Variants in POLN observed in about 807,000 individuals in gnomAD.
The protein encoded by POLN is DNA polymerase N.
Under a neutral mutation model 113.5 loss-of-function variants are expected in POLN, and 108 were observed. The ratio of observed to expected loss-of-function variants is 0.95; its 90% CI spans 0.81 to 1.12. The LOEUF (loss-of-function observed/expected upper bound fraction) is 1.12. POLN is among the 50% of genes most tolerant of loss of function. The pLI is 0.00. For missense variants in POLN, 1,097 were observed against 1,077.1 expected (o/e 1.02, Z -0.26); for synonymous variants, 386 against 391.5 (o/e 0.99, Z 0.17).
intron 19 of POLN, among the ~76,000 whole-genome samples, chr4:2,119,210 A>G (rs1731384652): frequency 6.6e-6 from 1 of 152,260 alleles, no homozygotes; most frequent in Admixed American, 6.5e-5. Context: ...TTCTGCAGTT[A>G]AAAGTTCTTC....
At chr4:2,113,127 A>G (rs909037320) in intron 19 of POLN, among the ~76,000 whole-genome samples, 1 of 151,298 alleles carries the variant, frequency 6.6e-6, no homozygotes, top group African/African-American at 2.4e-5. Flanking sequence ...TCAGCAAACT[A>G]TCGCAAGGAC....
At chr4:2,175,602 C>T (rs6841323) in intron 9 of POLN, among the ~76,000 whole-genome samples, 37,310 of 151,874 alleles carry the variant, frequency 0.25, 7,037 homozygotes, top group African/African-American at 0.51. Context: ...CTTCATGAGT[C>T]TCATTGTTTT....
intron 17 of POLN, among the ~76,000 whole-genome samples, chr4:2,129,483 G>A (rs1381211807): frequency 8.6e-5 from 13 of 151,864 alleles, no homozygotes. Flanking sequence ...CGCACTCCAG[G>A]GCTTAAGCAA....
chr4:2,240,031 T>A (rs761194299), intron 2 of POLN: 3 of 1,605,616 alleles, frequency 1.9e-6, no homozygotes, highest in Non-Finnish European at 1.7e-6. Context: ...TCATTTCTTA[T>A]GCTTACCTTG....
intron 5 of POLN, among the ~76,000 whole-genome samples, chr4:2,202,723 C>CAAAAAAAAAAAA (rs34712930): frequency 2.7e-5 from 1 of 36,848 alleles, no homozygotes; most frequent in Non-Finnish European, 5.4e-5. Context: ...GACTCTGTCT[C>CAAAAAAAAAAAA]AAAAAAAAAA....
At chr4:2,074,793 C>A (rs1321100825) in intron 24 of POLN, among the ~76,000 whole-genome samples, 1 of 152,154 alleles carries the variant, frequency 6.6e-6, no homozygotes, top group Non-Finnish European at 1.5e-5. Flanking sequence ...GGCACAGGTC[C>A]ACGTGGGCAC....
intron 7 of POLN, among the ~76,000 whole-genome samples, chr4:2,187,807 A>T (rs1733316980): frequency 6.6e-6 from 1 of 152,150 alleles, no homozygotes; most frequent in African/African-American, 2.4e-5. Flanking sequence ...AACCTATTCA[A>T]AGTGCTGAAA....
At chr4:2,076,037 C>T (rs1049825594) in intron 23 of POLN, among the ~76,000 whole-genome samples, 2 of 152,174 alleles carry the variant, frequency 1.3e-5, no homozygotes, top group Non-Finnish European at 2.9e-5. Context: ...GGTGAGCATC[C>T]AGCCAGCCCC....
At chr4:2,161,376 C>T (rs1732584484) in intron 13 of POLN, among the ~76,000 whole-genome samples, 1 of 152,232 alleles carries the variant, frequency 6.6e-6, no homozygotes, top group Non-Finnish European at 1.5e-5. Flanking sequence ...AGCCAGCCGG[C>T]CCTGCTAGCC....
intron 20 of POLN, chr4:2,090,497 T>C: frequency 3.8e-6 from 2 of 523,044 alleles, no homozygotes; most frequent in Non-Finnish European, 7.1e-6. Context: ...TGTGAATAAA[T>C]AAACTGAGCA....
At chr4:2,136,962 C>T (rs1479069364) in intron 16 of POLN, among the ~76,000 whole-genome samples, 3 of 152,218 alleles carry the variant, frequency 2.0e-5, no homozygotes, top group Non-Finnish European at 4.4e-5. Context: ...GTGGCAGTCG[C>T]CCCACACGTG....
chr4:2,144,115 A>G (rs921905750), intron 16 of POLN, among the ~76,000 whole-genome samples: 5 of 151,608 alleles, frequency 3.3e-5, no homozygotes, highest in Non-Finnish European at 5.9e-5. Flanking sequence ...TCTTCTATAA[A>G]ATACATATTC....
chr4:2,100,634 T>G (rs1730900165), intron 19 of POLN, among the ~76,000 whole-genome samples: 1 of 152,110 alleles, frequency 6.6e-6, no homozygotes, highest in African/African-American at 2.4e-5. Context: ...AAATTTCATC[T>G]GAAAAACAAA....
intron 20 of POLN, chr4:2,089,522 C>A: frequency 1.6e-6 from 2 of 1,286,706 alleles, no homozygotes; most frequent in South Asian, 2.7e-5. Context: ...TGCAAATTAT[C>A]ATTTTTAAAA....
At chr4:2,111,957 G>A (rs951799986) in intron 19 of POLN, among the ~76,000 whole-genome samples, 4 of 152,182 alleles carry the variant, frequency 2.6e-5, no homozygotes, top group African/African-American at 9.7e-5. Flanking sequence ...AACAAAGCTG[G>A]AGGCATCACG....
At chr4:2,204,064 G>C (rs1391664053) in intron 5 of POLN, among the ~76,000 whole-genome samples, 1 of 131,006 alleles carries the variant, frequency 7.6e-6, no homozygotes, top group Admixed American at 9.2e-5. Context: ...AGCTGAGATC[G>C]CGCCATTACA....
intron 16 of POLN, among the ~76,000 whole-genome samples, chr4:2,147,632 G>GTTTTTTT (rs1047968546): frequency 1.8e-5 from 1 of 56,380 alleles, no homozygotes. Flanking sequence ...CAGACATCCA[G>GTTTTTTT]TTTTTCTTTT....
intron 19 of POLN, among the ~76,000 whole-genome samples, chr4:2,120,153 C>CTA (rs1259766415): frequency 6.6e-6 from 1 of 152,114 alleles, no homozygotes; most frequent in Non-Finnish European, 1.5e-5. Flanking sequence ...CTCTTGATTA[C>CTA]TATATATATA....
chr4:2,077,976 G>A (rs1329822160), intron 23 of POLN, among the ~76,000 whole-genome samples: 2 of 152,246 alleles, frequency 1.3e-5, no homozygotes, highest in African/African-American at 4.8e-5. Flanking sequence ...GAGCTGCTGT[G>A]TTCTGCATCT....
Sources: allele counts gnomAD v4.1 joint callset (sites outside exome capture counted in the v4.1 genomes callset), GRCh38; gene constraint gnomAD v4.1.1; transcripts MANE v1.5; gene names NCBI Gene and HGNC (gene_info 2026-07-23, HGNC 2026-07-21).